Variants in RLIM observed in about 807,000 individuals in gnomAD.
The protein encoded by RLIM is ring finger protein, LIM domain interacting, also known as E3 ubiquitin-protein ligase RLIM.
Under a neutral mutation model 34.0 loss-of-function variants are expected in RLIM, and 2 were observed. That is an observed-to-expected ratio of 0.06 (90% CI 0.02 to 0.19). The LOEUF (loss-of-function observed/expected upper bound fraction) is 0.19. Ranked by LOEUF, RLIM falls within the 10% of genes least tolerant of loss-of-function variation. The pLI is 1.00. For missense variants in RLIM, 286 were observed against 479.7 expected, an observed-to-expected ratio of 0.60 and a Z score of 3.77; for synonymous variants, 169 against 164.0, an observed-to-expected ratio of 1.03 and a Z score of -0.23.
At chrX:74,612,498 G>C (rs910314400) in intron 1 of RLIM, 1 of 111,210 alleles carries the variant, frequency 9.0e-6, no homozygotes, top group African/African-American at 3.3e-5. Context: ...TCCAATTACA[G>C]GGCCTGCAAA....
intron 1 of RLIM, among the ~76,000 whole-genome samples, chrX:74,604,571 A>G (rs967841525): frequency 1.8e-5 from 2 of 111,706 alleles, no homozygotes; most frequent in Non-Finnish European, 3.8e-5. Context: ...ATACTCTACA[A>G]TGTTCAATAC....
rs992814915 is a variant in RLIM at position 74,587,210 on chromosome X, A to G, written c.*4230T>C. 2.7e-5 allele frequency: 3 copies of G among 112,408 alleles called. No individual in the cohort carries two copies. Among genetic ancestry groups the G allele is most frequent in the African/African-American group, 9.7e-5 (3 of 30,977 alleles). The allele number at this position is 112,408 out of a possible 1,213,427, so 9.3% of individuals were successfully genotyped here. A position where few individuals can be genotyped will look rare whatever the true frequency, so the allele number is the denominator to read the frequency against. On this transcript the variant is annotated 3_prime_UTR_variant, in exon 4 of 4. Transcript: ENST00000332687. ...TTTTCATGTTTTTTCAAAAGCACAC[A>G]ATTTACTAGTTAACTCAATGAATTA...
chrX:74,610,868 C>T (rs184850150), intron 1 of RLIM, among the ~76,000 whole-genome samples: 34 of 106,749 alleles, frequency 3.2e-4, no homozygotes, highest in Non-Finnish European at 5.4e-4. Flanking sequence ...CCAGCCTGGG[C>T]GACAGAGTGA....
chrX:74,611,639 AC>A (rs1249966689), intron 1 of RLIM, among the ~76,000 whole-genome samples: 1 of 112,085 alleles, frequency 8.9e-6, no homozygotes, highest in Non-Finnish European at 1.9e-5. Flanking sequence ...TTAAGTATTA[AC>A]AAAAGTTTCT....
At chrX:74,596,983 A>T (rs1349566894) in intron 1 of RLIM, among the ~76,000 whole-genome samples, 1 of 112,421 alleles carries the variant, frequency 8.9e-6, no homozygotes, top group Non-Finnish European at 1.9e-5. Flanking sequence ...TATGCAAAAA[A>T]TACTATATAC....
At chrX:74,594,462 G>A (rs2079630493) in intron 2 of RLIM, 73 bp from the exon 3 acceptor site, 2 of 627,684 alleles carry the variant, frequency 3.2e-6, no homozygotes, top group South Asian at 4.6e-5. Flanking sequence ...GTGACTCACA[G>A]TAATCTGACA....
chrX:74,597,950 G>A (rs964806124), intron 1 of RLIM, among the ~76,000 whole-genome samples: 2 of 112,082 alleles, frequency 1.8e-5, no homozygotes, highest in African/African-American at 6.5e-5. Context: ...TAAATAGCTT[G>A]GAAAATTAGT....
intron 2 of RLIM, among the ~76,000 whole-genome samples, 156 bp from the exon 3 acceptor site, chrX:74,594,545 T>C (rs1248809552): frequency 9.1e-6 from 1 of 110,309 alleles, no homozygotes; most frequent in Non-Finnish European, 1.9e-5. Context: ...AACCAAGGAG[T>C]AGGTAGGTCC....
At chrX:74,595,606 T>C (rs1430193140) in intron 2 of RLIM, among the ~76,000 whole-genome samples, 3 of 112,249 alleles carry the variant, frequency 2.7e-5, no homozygotes, top group Non-Finnish European at 5.6e-5. Context: ...ATTCATAAGT[T>C]AAAAATCTCT....
chrX:74,599,067 T>C (rs1002541682), intron 1 of RLIM, among the ~76,000 whole-genome samples: 1 of 111,706 alleles, frequency 9.0e-6, no homozygotes, highest in African/African-American at 3.3e-5. Flanking sequence ...CATTTTGAGT[T>C]TTATCAGGAA....
intron 1 of RLIM, among the ~76,000 whole-genome samples, chrX:74,597,318 T>C (rs1332667527): frequency 8.9e-6 from 1 of 112,070 alleles, no homozygotes; most frequent in Non-Finnish European, 1.9e-5. Flanking sequence ...TGAAAAGCAA[T>C]GTCACTAATC....
intron 1 of RLIM, among the ~76,000 whole-genome samples, chrX:74,606,840 C>CT (rs2079684179): frequency 1.8e-5 from 2 of 111,737 alleles, no homozygotes; most frequent in South Asian, 7.4e-4. Flanking sequence ...GTCATCTTGG[C>CT]TGGGCATGGT....
intron 1 of RLIM, among the ~76,000 whole-genome samples, chrX:74,611,737 G>A (rs1006132317): frequency 3.2e-4 from 36 of 112,155 alleles, no homozygotes; most frequent in African/African-American, 1.1e-3. Flanking sequence ...AAACCCAGAA[G>A]TATAACGTCA....
At chrX:74,606,782 T>C (rs1226662169) in intron 1 of RLIM, among the ~76,000 whole-genome samples, 1 of 111,529 alleles carries the variant, frequency 9.0e-6, no homozygotes, top group Non-Finnish European at 1.9e-5. Context: ...AACTAAATTC[T>C]GAAACACCAA....
intron 1 of RLIM, among the ~76,000 whole-genome samples, chrX:74,596,611 T>C (rs2079641234): frequency 8.9e-6 from 1 of 112,253 alleles, no homozygotes; most frequent in Non-Finnish European, 1.9e-5. Flanking sequence ...TCTTGTGACA[T>C]ATGAAAATGC....
At chrX:74,593,101 C>T (rs1174278279) in intron 3 of RLIM, 40 bp from the exon 4 acceptor site, 2 of 1,152,791 alleles carry the variant, frequency 1.7e-6, no homozygotes, top group Admixed American at 2.6e-5. Context: ...GAAAAAGGAA[C>T]TACTAAAATG....
chrX:74,592,204 C>G lies in RLIM; in HGVS notation c.1111G>C (p.Glu371Gln). ...ACATAGGTTCTCACACCTGCCCGCTCAGAACGTGAAAATGTACGCCTAAAA... is the reference window on the plus strand; with the variant it reads ...ACATAGGTTCTCACACCTGCCCGCTGAGAACGTGAAAATGTACGCCTAAAA... ...GGFRRTFSRSERAGVRTYVST... is the reference protein window; with the variant it reads ...GGFRRTFSRSQRAGVRTYVST... The change falls in exon 4 of 4, where the codon GAG (glutamate) becomes CAG (glutamine). Residue 371 changes from glutamate to glutamine, a missense_variant. Around this residue, in one of 6 missense-constraint regions of RLIM, gnomAD observed 121 missense variants for 182.4 expected, o/e 0.66. Coordinates refer to ENST00000332687, the MANE Select transcript of RLIM (RefSeq NM_016120.4). 1 of 1,211,907 alleles carries G rather than the reference C, an allele frequency of 8.3e-7. No individual in the cohort carries two copies. Among genetic ancestry groups the G allele is most frequent in the Non-Finnish European group, 1.1e-6 (1 of 895,568 alleles).
chrX:74,604,841 T>C (rs1230516679), intron 1 of RLIM, among the ~76,000 whole-genome samples: 1 of 111,432 alleles, frequency 9.0e-6, no homozygotes, highest in African/African-American at 3.3e-5. Flanking sequence ...TAAAGCAACA[T>C]GTGAACAAAT....
At position 74,584,186 on chromosome X, in the gene RLIM, G is replaced by GA. The variant is rs756623806; in HGVS notation, c.*7253dup. Among the ~76,000 whole-genome samples, 7 of 111,217 alleles carry GA rather than the reference G, an allele frequency of 6.3e-5. No homozygotes were observed. In the South Asian group the frequency reaches 2.6e-3, roughly 42 times the overall value. Reference sequence around the variant, plus strand: ...GGGATAAATACTAAGAAACAAATTAGAAGTCATATAGTAGTGGGATTAAGA... The same window carrying GA: ...GGGATAAATACTAAGAAACAAATTAGAAAGTCATATAGTAGTGGGATTAAGA... On this transcript the variant is annotated 3_prime_UTR_variant, in exon 4 of 4. Coordinates refer to ENST00000332687, the MANE Select transcript of RLIM (RefSeq NM_016120.4).
Sources: allele counts gnomAD v4.1 joint callset (sites outside exome capture counted in the v4.1 genomes callset), GRCh38; gene constraint gnomAD v4.1.1; regional missense constraint gnomAD v4.1.1; transcripts MANE v1.5; gene names NCBI Gene and HGNC (gene_info 2026-07-23, HGNC 2026-07-21).